Variants in HOMER2 observed in about 807,000 individuals in gnomAD.
HOMER2 encodes homer scaffold protein 2, also known as homer protein homolog 2.
A neutral mutation model predicts 47.0 loss-of-function variants in HOMER2; 27 were observed. That is an observed-to-expected ratio of 0.57 (90% CI 0.42 to 0.79). HOMER2 has a LOEUF of 0.79. Among genes scored for constraint, HOMER2 ranks in the 30% least tolerant of loss-of-function variants. The pLI is 0.00. For missense variants in HOMER2, 443 were observed against 435.0 expected (o/e 1.02, Z -0.16); for synonymous variants, 161 against 163.8 (o/e 0.98, Z 0.13).
intron 1 of HOMER2, among the ~76,000 whole-genome samples, chr15:82,984,191 C>T (rs1337373535): frequency 1.3e-5 from 2 of 151,990 alleles, no homozygotes; most frequent in African/African-American, 4.8e-5. Flanking sequence ...GGCCACCACG[C>T]CCAGCTAATT....
rs957457913 is a variant in HOMER2, at chr15:82,917,528, T to C, written c.6-24687A>G. ...CATGGCACATGATACCAAAGACACA[T>C]GCAGGAAGGTGCAAGCGGGGAAGAT... is the stretch of plus-strand genomic sequence containing the variant. On this transcript the variant is annotated intron_variant, in intron 1 of 8. Transcript: ENST00000450735. Among the ~76,000 whole-genome samples, 5 of 152,324 alleles carry C rather than the reference T, an allele frequency of 3.3e-5. No homozygotes were observed. In the South Asian group the frequency reaches 6.2e-4, roughly 19 times the overall value.
intron 1 of HOMER2, among the ~76,000 whole-genome samples, chr15:82,902,005 T>C (rs2151125648): frequency 6.6e-6 from 1 of 152,286 alleles, no homozygotes; most frequent in South Asian, 2.1e-4. Flanking sequence ...CAGTATGCTG[T>C]CTATAGAAGG....
At chr15:82,897,039 G>C (rs1347031761) in intron 1 of HOMER2, among the ~76,000 whole-genome samples, 1 of 148,000 alleles carries the variant, frequency 6.8e-6, no homozygotes, top group Non-Finnish European at 1.5e-5. Context: ...TGCAGTATAT[G>C]ACAGGTCTGA....
chr15:82,882,820 A>C (rs1191165272), intron 2 of HOMER2, among the ~76,000 whole-genome samples: 3 of 151,390 alleles, frequency 2.0e-5, no homozygotes, highest in Non-Finnish European at 4.4e-5. Context: ...GTTTACACAG[A>C]AGCTGAATCT....
At chr15:82,942,205 C>T (rs1200364218) in intron 1 of HOMER2, among the ~76,000 whole-genome samples, 1 of 152,246 alleles carries the variant, frequency 6.6e-6, no homozygotes, top group African/African-American at 2.4e-5. Flanking sequence ...GCCCTAATTA[C>T]CTGCTCACCA....
intron 1 of HOMER2, among the ~76,000 whole-genome samples, chr15:82,901,108 T>C (rs2053101175): frequency 1.3e-5 from 2 of 152,122 alleles, no homozygotes; most frequent in African/African-American, 4.8e-5. Context: ...TTGACTAAGT[T>C]CTGGGGCTGG....
At chr15:82,933,981 C>T (rs2054079229) in intron 1 of HOMER2, among the ~76,000 whole-genome samples, 1 of 152,108 alleles carries the variant, frequency 6.6e-6, no homozygotes, top group Non-Finnish European at 1.5e-5. Flanking sequence ...CAAATCTGAG[C>T]CGGTCCTTCC....
At chr15:82,879,249 A>C (rs1459526493) in intron 2 of HOMER2, among the ~76,000 whole-genome samples, 4 of 152,186 alleles carry the variant, frequency 2.6e-5, no homozygotes, top group Non-Finnish European at 5.9e-5. Flanking sequence ...TAATCCCAGC[A>C]CTTTGGGAGG....
At position 82,940,055 on chromosome 15, in the gene HOMER2, C is replaced by T. The variant is rs551681488; in HGVS notation, c.5+12476G>A. On this transcript the variant is annotated intron_variant, in intron 1 of 8. Coordinates refer to ENST00000450735, the MANE Select transcript of HOMER2 (RefSeq NM_004839.4). ...AGACAGGGTGGGGAACATCACACAC[C>T]GAGGCCTGTCGTGGGGTCGGGGGAG... Among the ~76,000 whole-genome samples the T allele has an allele frequency of 1.6e-4, 24 of 152,052 alleles. No homozygotes were observed. The South Asian group carries it at 2.1e-3, about 13-fold the overall frequency.
At chr15:82,962,634 G>A (rs939421879) in intron 1 of HOMER2, among the ~76,000 whole-genome samples, 1 of 152,032 alleles carries the variant, frequency 6.6e-6, no homozygotes, top group Admixed American at 6.6e-5. Context: ...CCGATATTGT[G>A]CTATTGCACT....
intron 1 of HOMER2, among the ~76,000 whole-genome samples, chr15:82,978,412 T>C (rs543413802): frequency 3.3e-5 from 5 of 152,098 alleles, no homozygotes; most frequent in Non-Finnish European, 5.9e-5. Flanking sequence ...GTGGGGACAA[T>C]AGTGGGATGA....
intron 5 of HOMER2, among the ~76,000 whole-genome samples, chr15:82,856,431 C>G (rs778535094): frequency 4.1e-4 from 63 of 151,958 alleles, no homozygotes; most frequent in African/African-American, 1.5e-3. Context: ...GCCTGGGCAA[C>G]ATAGCAAGAC....
At chr15:82,973,016 T>C (rs975042579) in intron 1 of HOMER2, among the ~76,000 whole-genome samples, 10 of 152,318 alleles carry the variant, frequency 6.6e-5, no homozygotes, top group Admixed American at 3.3e-4. Context: ...GTCTCATTTA[T>C]ATCTTGCACT....
rs147174870 is a variant in HOMER2, at chr15:82,980,835, A to G, written n.82+4952T>C. The stretch of plus-strand genomic sequence containing the variant: ...TGAACTTTGCCAGGGTGGTTTTATT[A>G]GAGTGGTTTCAGTGGAGTACTCAAG... On this transcript the variant is annotated intron_variant and non_coding_transcript_variant, in intron 1 of 1. Transcript: ENST00000500334. Among the ~76,000 whole-genome samples, 284 of 152,294 alleles carry G rather than the reference A, an allele frequency of 1.9e-3. 2 individuals carry two copies. Among genetic ancestry groups the G allele is most frequent in the Non-Finnish European group, 3.4e-4 (23 of 68,018 alleles).
intron 1 of HOMER2, among the ~76,000 whole-genome samples, chr15:82,962,813 A>AT (rs2054643011): frequency 1.3e-5 from 2 of 152,334 alleles, no homozygotes; most frequent in South Asian, 4.1e-4. Context: ...AGTGACACCA[A>AT]TATCAGTCCA....
chr15:82,918,256 G>T (rs934125614), intron 1 of HOMER2, among the ~76,000 whole-genome samples: 1 of 152,094 alleles, frequency 6.6e-6, no homozygotes, highest in Non-Finnish European at 1.5e-5. Flanking sequence ...ATGAGTACTG[G>T]GTGCAGAAAC....
intron 5 of HOMER2, 92 bp from the exon 6 acceptor site, chr15:82,854,892 A>G: frequency 1.4e-6 from 2 of 1,459,102 alleles, no homozygotes; most frequent in Admixed American, 1.8e-5. Flanking sequence ...ATCCCTCAGC[A>G]CACCCCTGGG....
intron 2 of HOMER2, among the ~76,000 whole-genome samples, chr15:82,889,353 C>T (rs1300487238): frequency 2.0e-5 from 3 of 152,332 alleles, no homozygotes; most frequent in East Asian, 3.9e-4. Flanking sequence ...AGGCCTGGGA[C>T]GTGCAGCTGG....
chr15:82,925,002 C>G (rs947277866), intron 1 of HOMER2, among the ~76,000 whole-genome samples: 6 of 152,184 alleles, frequency 3.9e-5, no homozygotes, highest in Non-Finnish European at 7.3e-5. Flanking sequence ...TTCCTCTCCC[C>G]CTACCACTAT....
Sources: allele counts gnomAD v4.1 joint callset (sites outside exome capture counted in the v4.1 genomes callset), GRCh38; gene constraint gnomAD v4.1.1; transcripts MANE v1.5; gene names NCBI Gene and HGNC (gene_info 2026-07-23, HGNC 2026-07-21).